The following CNKSR2 variants were observed in gnomAD, a reference collection of about 807,000 sequenced individuals.
CNKSR2 encodes connector enhancer of kinase suppressor of Ras 2.
Under a neutral mutation model 84.4 loss-of-function variants are expected in CNKSR2, and 14 were observed. The ratio of observed to expected loss-of-function variants is 0.17; its 90% CI spans 0.11 to 0.26. The LOEUF is 0.26. Among genes scored for constraint, CNKSR2 ranks in the 10% least tolerant of loss-of-function variants. The pLI is 1.00. For missense variants in CNKSR2, 485 were observed against 771.2 expected, an observed-to-expected ratio of 0.63 and a Z score of 4.40; for synonymous variants, 275 against 277.9, an observed-to-expected ratio of 0.99 and a Z score of 0.10.
At chrX:21,465,417 GGAAAA>G (rs1361157386) in intron 4 of CNKSR2, among the ~76,000 whole-genome samples, 1 of 111,088 alleles carries the variant, frequency 9.0e-6, no homozygotes, top group Admixed American at 9.6e-5. Flanking sequence ...AAAAAGGAAA[GGAAAA>G]GTATAATATT....
chrX:21,374,621 A>C lies in CNKSR2; in HGVS notation c.-277A>C, dbSNP rs867789273. On this transcript the variant is annotated 5_prime_UTR_variant, in exon 1 of 22. Coordinates refer to ENST00000379510, the MANE Select transcript of CNKSR2 (RefSeq NM_014927.5). ...CAGCAGCAGCAGCAGCAGCAGCAGC[A>C]GCAGCAGCAGCCGCCGCCGCCGCCG... 9 of 506,450 alleles carry C rather than the reference A, an allele frequency of 1.8e-5. No individual in the cohort carries two copies. The highest frequency in any genetic ancestry group is 1.7e-4 in the African/African-American group (7 of 40,840). The allele number at this position is 506,450 out of a possible 1,213,427, so 41.7% of individuals were successfully genotyped here. A position where few individuals can be genotyped will look rare whatever the true frequency, so the allele number is the denominator to read the frequency against.
intron 9 of CNKSR2, among the ~76,000 whole-genome samples, chrX:21,517,258 G>A (rs1016433394): frequency 4.5e-5 from 5 of 109,918 alleles, no homozygotes; most frequent in Non-Finnish European, 7.6e-5. Flanking sequence ...GGTGGTATGC[G>A]CCTGTAGTCC....
chrX:21,389,293 GAGTTT>G (rs1333684346), intron 1 of CNKSR2, among the ~76,000 whole-genome samples: 2 of 106,541 alleles, frequency 1.9e-5, no homozygotes, highest in Non-Finnish European at 3.9e-5. Context: ...ATAAAGTGTG[GAGTTT>G]AGTTTATTAT....
At chrX:21,569,527 C>T (rs1286055188) in intron 13 of CNKSR2, among the ~76,000 whole-genome samples, 1 of 111,678 alleles carries the variant, frequency 9.0e-6, no homozygotes, top group Admixed American at 9.5e-5. Context: ...TTTAGAACCC[C>T]TCAAAGTCAT....
chrX:21,616,629 T>C (rs1379687955), intron 20 of CNKSR2, among the ~76,000 whole-genome samples: 1 of 111,833 alleles, frequency 8.9e-6, no homozygotes, highest in East Asian at 2.8e-4. Flanking sequence ...TTCTCTATGA[T>C]TGAAACCATT....
intron 21 of CNKSR2, among the ~76,000 whole-genome samples, chrX:21,651,280 A>G (rs1010406201): frequency 1.1e-4 from 12 of 111,845 alleles, no homozygotes; most frequent in Middle Eastern, 4.6e-3. Flanking sequence ...ACAGAACCCT[A>G]TGGTTTTTGG....
At chrX:21,650,571 T>A (rs2092718566) in intron 21 of CNKSR2, among the ~76,000 whole-genome samples, 1 of 109,206 alleles carries the variant, frequency 9.2e-6, no homozygotes, top group East Asian at 2.9e-4. Context: ...ACTTAAAGTA[T>A]AATTAAAAAA....
At chrX:21,501,127 G>A (rs896631811) in intron 7 of CNKSR2, among the ~76,000 whole-genome samples, 2 of 110,792 alleles carry the variant, frequency 1.8e-5, no homozygotes, top group East Asian at 5.6e-4. Flanking sequence ...ATGCATTTTT[G>A]AAGCACTTAC....
intron 4 of CNKSR2, chrX:21,441,302 G>C (rs1180456565): frequency 9.0e-6 from 1 of 110,955 alleles, no homozygotes; most frequent in Non-Finnish European, 1.9e-5. Context: ...ACTGTTATGT[G>C]ATGATATCTC....
At position 21,568,501 on chromosome X, in the gene CNKSR2, CCTGT is replaced by C. The variant is rs371590194; in HGVS notation, c.1608+5052_1608+5055del. The stretch of plus-strand genomic sequence containing the variant: ...TCATGACATTCAAACATTTAGGTGG[CCTGT>C]CTTTGTTTTTTTAGGATATAACTGC... On this transcript the variant is annotated intron_variant, in intron 13 of 21. Transcript: ENST00000379510. Among the ~76,000 whole-genome samples the C allele has an allele frequency of 4.0e-3, 441 of 111,054 alleles. 1 individual carries two copies. Among genetic ancestry groups the C allele is most frequent in the Non-Finnish European group, 6.2e-3 (330 of 52,979 alleles).
At chrX:21,494,303 C>T (rs1028639019) in intron 6 of CNKSR2, 1 of 111,656 alleles carries the variant, frequency 9.0e-6, no homozygotes, top group Admixed American at 9.5e-5. Flanking sequence ...ACCTTTAATT[C>T]GTAGTCAATA....
intron 3 of CNKSR2, among the ~76,000 whole-genome samples, chrX:21,436,355 G>A (rs749314619): frequency 2.7e-5 from 3 of 111,443 alleles, no homozygotes; most frequent in Admixed American, 9.6e-5. Flanking sequence ...TTTCTGAATC[G>A]TTAATAACCT....
chrX:21,621,190 T>TC (rs1328667644), intron 20 of CNKSR2, among the ~76,000 whole-genome samples: 7 of 111,012 alleles, frequency 6.3e-5, no homozygotes, highest in African/African-American at 1.3e-4. Context: ...CTTTATAGAG[T>TC]CCCCATGCTA....
chrX:21,509,000 G>A (rs1418439463), intron 8 of CNKSR2, among the ~76,000 whole-genome samples: 2 of 112,038 alleles, frequency 1.8e-5, no homozygotes, highest in African/African-American at 3.2e-5. Context: ...CTAGCTTCTT[G>A]TAGTGTTTGA....
At chrX:21,481,016 T>G (rs770281358) in intron 5 of CNKSR2, among the ~76,000 whole-genome samples, 31 of 112,129 alleles carry the variant, frequency 2.8e-4, no homozygotes, top group Non-Finnish European at 4.9e-4. Flanking sequence ...AGCAAGTTTT[T>G]AACATCTTTG....
intron 13 of CNKSR2, among the ~76,000 whole-genome samples, chrX:21,586,955 AAAG>A (rs2092392335): frequency 8.9e-6 from 1 of 112,092 alleles, no homozygotes. Context: ...AGGGGCTAGT[AAAG>A]AAGACCATTT....
At chrX:21,487,208 G>T (rs1473644220) in intron 5 of CNKSR2, among the ~76,000 whole-genome samples, 2 of 111,678 alleles carry the variant, frequency 1.8e-5, no homozygotes, top group Non-Finnish European at 3.8e-5. Context: ...AATTACTCAA[G>T]AGGAATCTGA....
chrX:21,422,695 C>T (rs771941850), intron 1 of CNKSR2, among the ~76,000 whole-genome samples: 1 of 111,846 alleles, frequency 8.9e-6, no homozygotes, highest in East Asian at 2.8e-4. Flanking sequence ...TTACATTACA[C>T]AAGGATTTCT....
At chrX:21,481,845 G>C (rs1455555972) in intron 5 of CNKSR2, among the ~76,000 whole-genome samples, 1 of 111,823 alleles carries the variant, frequency 8.9e-6, no homozygotes, top group Non-Finnish European at 1.9e-5. Flanking sequence ...CAACAGGAAA[G>C]TGGGGACCTC....
Sources: gnomAD v4.1 joint callset for allele counts (sites outside exome capture counted in the v4.1 genomes callset) on GRCh38, gnomAD v4.1.1 for gene constraint, MANE v1.5 for transcripts, NCBI Gene and HGNC (gene_info 2026-07-23, HGNC 2026-07-21) for gene names.